The following PIK3C2G variants were observed in gnomAD, a reference collection of about 807,000 sequenced individuals.
The protein encoded by PIK3C2G is phosphatidylinositol-4-phosphate 3-kinase catalytic subunit type 2 gamma.
In PIK3C2G, 168 loss-of-function variants were observed where a neutral mutation model predicts 181.1. The ratio of observed to expected loss-of-function variants is 0.93; its 90% CI spans 0.82 to 1.05. The LOEUF is 1.05. Ranked by LOEUF, PIK3C2G falls within the 50% of genes least tolerant of loss-of-function variation. PIK3C2G has a pLI of 0.00. For missense variants in PIK3C2G, 1,869 were observed against 1,732.8 expected (o/e 1.08, Z -1.40); for synonymous variants, 573 against 592.2 (o/e 0.97, Z 0.47).
At chr12:18,595,005 T>C (rs933190299) in intron 30 of PIK3C2G, among the ~76,000 whole-genome samples, 6 of 152,090 alleles carry the variant, frequency 3.9e-5, no homozygotes, top group African/African-American at 1.2e-4. Context: ...TCTTACATCA[T>C]AGAATATTCA....
At chr12:18,356,887 G>T (rs1431538209) in intron 11 of PIK3C2G, among the ~76,000 whole-genome samples, 1 of 108,698 alleles carries the variant, frequency 9.2e-6, no homozygotes, top group Non-Finnish European at 1.7e-5. Context: ...GGCGGGGGGT[G>T]GGCCAAAAAG....
chr12:18,657,969 C>T, the PIK3C2G span, among the ~76,000 whole-genome samples: 5 of 152,086 alleles, frequency 3.3e-5, no homozygotes, highest in Admixed American at 2.6e-4. Flanking sequence ...AATAATATCA[C>T]TTCAAATAGA....
At chr12:18,494,117 A>G (rs141394512) in intron 20 of PIK3C2G, among the ~76,000 whole-genome samples, 587 of 152,184 alleles carry the variant, frequency 3.9e-3, no homozygotes, top group Non-Finnish European at 7.0e-3. Flanking sequence ...CAGCTTTTCT[A>G]TCTTATTATA....
chr12:18,684,338 G>A, the PIK3C2G span: 2 of 1,493,384 alleles, frequency 1.3e-6, no homozygotes, highest in African/African-American at 2.8e-5. Context: ...GGAAAAAATA[G>A]ATTACATTTG....
chr12:18,684,689 T>G, the PIK3C2G span, among the ~76,000 whole-genome samples: 1 of 152,106 alleles, frequency 6.6e-6, no homozygotes, highest in African/African-American at 2.4e-5. Flanking sequence ...TAGGCAATTC[T>G]TTAGCAAATA....
At chr12:18,507,259 G>A (rs577937073) in intron 24 of PIK3C2G, among the ~76,000 whole-genome samples, 46 of 152,048 alleles carry the variant, frequency 3.0e-4, no homozygotes, top group African/African-American at 1.1e-3. Context: ...CGAACTCCTG[G>A]CCTCAAGTGA....
At chr12:18,630,648 A>T (rs1156875228) in intron 31 of PIK3C2G, among the ~76,000 whole-genome samples, 3 of 152,140 alleles carry the variant, frequency 2.0e-5, no homozygotes, top group Non-Finnish European at 2.9e-5. Flanking sequence ...CATGAGGAAG[A>T]TGACATACAT....
intron 18 of PIK3C2G, among the ~76,000 whole-genome samples, chr12:18,486,498 G>A (rs1388699308): frequency 1.3e-5 from 2 of 151,970 alleles, no homozygotes; most frequent in Non-Finnish European, 2.9e-5. Context: ...GAACAATTCT[G>A]ACAGTCCCTA....
chr12:18,564,755 C>G (rs1276056177), intron 28 of PIK3C2G, among the ~76,000 whole-genome samples: 1 of 152,020 alleles, frequency 6.6e-6, no homozygotes, highest in Non-Finnish European at 1.5e-5. Flanking sequence ...CAAAAAAAAG[C>G]TCAACGTTTG....
chr12:18,496,728 C>A (rs147212538), intron 21 of PIK3C2G, among the ~76,000 whole-genome samples: 2 of 152,118 alleles, frequency 1.3e-5, no homozygotes, highest in East Asian at 3.9e-4. Flanking sequence ...GCCCGTCTTC[C>A]AGTTTATTTG....
intron 5 of PIK3C2G, among the ~76,000 whole-genome samples, chr12:18,313,455 A>ATT (rs1950723955): frequency 1.3e-5 from 2 of 152,096 alleles, no homozygotes; most frequent in East Asian, 1.9e-4. Flanking sequence ...GGCCTTCCTA[A>ATT]GGTCATCGAG....
At chr12:18,459,269 A>C (rs933717912) in intron 18 of PIK3C2G, among the ~76,000 whole-genome samples, 1 of 152,214 alleles carries the variant, frequency 6.6e-6, no homozygotes, top group African/African-American at 2.4e-5. Context: ...ATAATTGCAT[A>C]TAGAAGAGCA....
rs116238676 is a variant in PIK3C2G at position 18,429,326 on chromosome 12, T to G, written c.2504+5287T>G. Among the ~76,000 whole-genome samples, 1,063 of 152,306 alleles carry G rather than the reference T, an allele frequency of 7.0e-3. 6 individuals carry two copies. Among genetic ancestry groups the G allele is most frequent in the African/African-American group, 0.019 (778 of 41,554 alleles). Reference sequence around the variant, plus strand: ...TGCTTACACCCTGATTTTGGACTTCTGGCCTCCAGAACTGTGAGAATACAT... The same window carrying G: ...TGCTTACACCCTGATTTTGGACTTCGGGCCTCCAGAACTGTGAGAATACAT... On this transcript the variant is annotated intron_variant, in intron 18 of 32. Transcript: ENST00000538779.
intron 25 of PIK3C2G, among the ~76,000 whole-genome samples, chr12:18,544,239 T>C (rs1944310539): frequency 6.6e-6 from 1 of 151,858 alleles, no homozygotes; most frequent in African/African-American, 2.4e-5. Flanking sequence ...TAGATGGAAA[T>C]CTCTGTAGAA....
intron 30 of PIK3C2G, among the ~76,000 whole-genome samples, chr12:18,603,153 C>A (rs935258399): frequency 6.6e-6 from 1 of 152,048 alleles, no homozygotes; most frequent in Non-Finnish European, 1.5e-5. Context: ...GAAAAATATT[C>A]AAGGAAATAG....
the PIK3C2G span, among the ~76,000 whole-genome samples, chr12:18,717,714 G>T: frequency 3.9e-5 from 6 of 152,096 alleles, no homozygotes; most frequent in Admixed American, 6.6e-5. Context: ...TTGGTTATTG[G>T]AATGAACATC....
chr12:18,512,538 C>G (rs1267081866), intron 24 of PIK3C2G, among the ~76,000 whole-genome samples: 1 of 151,582 alleles, frequency 6.6e-6, no homozygotes, highest in Non-Finnish European at 1.5e-5. Context: ...AAATTTGCAC[C>G]TAAGTATTTG....
chr12:18,488,937 C>G (rs1940308758), intron 19 of PIK3C2G, among the ~76,000 whole-genome samples: 1 of 151,970 alleles, frequency 6.6e-6, no homozygotes, highest in South Asian at 2.1e-4. Flanking sequence ...TATGGAGGCA[C>G]AATTCAGACT....
At chr12:18,705,323 A>T in the PIK3C2G span, 1 of 1,614,096 alleles carries the variant, frequency 6.2e-7, no homozygotes, top group East Asian at 2.2e-5. Context: ...TGTCTAAAAA[A>T]GTAACCATTA....
Sources: gnomAD v4.1 joint callset for allele counts (sites outside exome capture counted in the v4.1 genomes callset) on GRCh38, gnomAD v4.1.1 for gene constraint, MANE v1.5 for transcripts, NCBI Gene and HGNC (gene_info 2026-07-23, HGNC 2026-07-21) for gene names.